NINL: variants seen among roughly 807,000 people sequenced by gnomAD.
The protein encoded by NINL is ninein like, also known as ninein-like protein.
NINL carries 153 observed loss-of-function variants against 160.3 expected under a neutral mutation model. The observed-to-expected ratio is 0.95, with a 90% CI of 0.84 to 1.09. The LOEUF is 1.09. NINL is among the 50% of genes least tolerant of loss of function. NINL has a pLI of 0.00. For synonymous variants in NINL, 800 were observed against 734.8 expected (o/e 1.09, Z -1.43); for missense variants, 1,829 against 1,764.0 (o/e 1.04, Z -0.66).
At chr20:25,543,639 G>A (rs563595679) in intron 1 of NINL, among the ~76,000 whole-genome samples, 4 of 152,188 alleles carry the variant, frequency 2.6e-5, no homozygotes, top group African/African-American at 4.8e-5. Context: ...TTGGCTGTCC[G>A]CAACCAATCA....
chr20:25,458,667 T>A (rs1217671938), intron 21 of NINL, 138 bp from the exon 22 acceptor site: 4 of 895,834 alleles, frequency 4.5e-6, no homozygotes, highest in Non-Finnish European at 6.6e-6. Context: ...CACCTGAATA[T>A]TTAGAAGGAG....
chr20:25,513,937 T>C (rs2064119244), intron 3 of NINL, among the ~76,000 whole-genome samples: 1 of 152,178 alleles, frequency 6.6e-6, no homozygotes, highest in Non-Finnish European at 1.5e-5. Flanking sequence ...TAGTTCCTTA[T>C]AGCAATGTGA....
Position 25,491,445 on chromosome 20 carries a change from T to G in NINL, c.1391A>C (p.Gln464Pro), listed in dbSNP as rs1486619373. The G allele has an allele frequency of 4.3e-6, 7 of 1,613,842 alleles. No individual in the cohort carries two copies. The African/African-American group carries it at 8.0e-5, about 18-fold the overall frequency. ...VEAERELFWE[Q>P]AHRQRAALEW... Reference sequence around the variant, plus strand: ...CAGCGCGGCCCTCTGCCTGTGGGCCTGCTCCCAGAACAGCTCTCGCTCCGC... The same window carrying G: ...CAGCGCGGCCCTCTGCCTGTGGGCCGGCTCCCAGAACAGCTCTCGCTCCGC... The change falls in exon 11 of 24, where the codon CAG becomes CCG. Residue 464 changes from glutamine (Q) to proline (P), a missense_variant. Physicochemically the swap from Gln to Pro is moderately conservative, Grantham distance 76. Transcript: ENST00000278886.
chr20:25,472,386 G>C (rs1439481233), intron 17 of NINL, among the ~76,000 whole-genome samples: 1 of 127,996 alleles, frequency 7.8e-6, no homozygotes, highest in African/African-American at 2.8e-5. Flanking sequence ...TTGTTTTTGA[G>C]ACGGAGTTTT....
chr20:25,583,069 T>TG (rs943650038), intron 1 of NINL, among the ~76,000 whole-genome samples: 6 of 152,198 alleles, frequency 3.9e-5, no homozygotes, highest in African/African-American at 1.4e-4. Context: ...GACATAGGCA[T>TG]GGGCAAAGTC....
intron 13 of NINL, 67 bp from the exon 14 acceptor site, chr20:25,482,167 C>A: frequency 6.5e-7 from 1 of 1,547,340 alleles, no homozygotes; most frequent in Non-Finnish European, 8.7e-7. Context: ...GCTGGCCGAG[C>A]TGGCCTCCAG....
intron 16 of NINL, among the ~76,000 whole-genome samples, chr20:25,477,561 GGA>G (rs1181411732): frequency 1.3e-5 from 2 of 152,250 alleles, no homozygotes; most frequent in Non-Finnish European, 2.9e-5. Flanking sequence ...GTGGCCCGCA[GGA>G]GAGTCCAGTG....
chr20:25,485,681 T>C (rs1299799743), intron 13 of NINL, among the ~76,000 whole-genome samples: 1 of 152,256 alleles, frequency 6.6e-6, no homozygotes, highest in Non-Finnish European at 1.5e-5. Context: ...CATTTGTGTC[T>C]TTTGATCAGT....
chr20:25,486,165 T>G (rs1328029400), intron 13 of NINL, among the ~76,000 whole-genome samples: 23 of 152,242 alleles, frequency 1.5e-4, no homozygotes, highest in Admixed American at 1.5e-3. Context: ...TGCACTAGTT[T>G]TGTTTGTAAC....
intron 10 of NINL, among the ~76,000 whole-genome samples, chr20:25,494,148 ACT>A (rs1407764246): frequency 7.2e-6 from 1 of 138,338 alleles, no homozygotes; most frequent in Non-Finnish European, 1.6e-5. Context: ...CCCCACACAC[ACT>A]CACAGCACCC....
At chr20:25,505,387 A>T (rs1411705437) in intron 5 of NINL, among the ~76,000 whole-genome samples, 2 of 152,028 alleles carry the variant, frequency 1.3e-5, no homozygotes, top group African/African-American at 2.4e-5. Flanking sequence ...GAGTCACCTA[A>T]TGTACAGCAC....
At chr20:25,562,967 C>A (rs1031726104) in intron 1 of NINL, among the ~76,000 whole-genome samples, 1 of 152,056 alleles carries the variant, frequency 6.6e-6, no homozygotes, top group Non-Finnish European at 1.5e-5. Flanking sequence ...GGAGATGAGA[C>A]CATCCTGGCT....
In NINL at chr20:25,453,344, C is replaced by T; in HGVS notation, c.*107G>A. On this transcript the variant is annotated 3_prime_UTR_variant, in exon 24 of 24. Transcript: ENST00000278886. ...GCGGGGTGAACAAAGAATCCCAATC[C>T]TCAGATGTCCCAGGACTCATGGCTC... 1.0e-6 allele frequency: 1 copy of T among 981,246 alleles called. No homozygotes were observed. Among genetic ancestry groups the T allele is most frequent in the Non-Finnish European group, 1.5e-6 (1 of 665,216 alleles). The allele number at this position is 981,246 out of a possible 1,614,324, so 60.8% of individuals were successfully genotyped here. A position where few individuals can be genotyped will look rare whatever the true frequency, so the allele number is the denominator to read the frequency against.
chr20:25,478,864 A>G, intron 16 of NINL, 59 bp downstream of exon 16: 2 of 1,481,018 alleles, frequency 1.4e-6, no homozygotes, highest in Non-Finnish European at 1.8e-6. Context: ...GTCTAATTTC[A>G]AATTTTGGTT....
intron 13 of NINL, among the ~76,000 whole-genome samples, chr20:25,487,495 C>G (rs424487): frequency 0.49 from 73,915 of 151,986 alleles, 18,776 homozygotes; most frequent in East Asian, 0.92. Flanking sequence ...CTGATGCTGA[C>G]AGCTTGGCTG....
chr20:25,545,983 TTTTTA>T (rs2064727077), intron 1 of NINL, among the ~76,000 whole-genome samples: 1 of 39,176 alleles, frequency 2.6e-5, no homozygotes, highest in African/African-American at 3.8e-5. Context: ...TGTTGTTTTG[TTTTTA>T]TTTTTTTTTT....
chr20:25,461,128 G>A (rs1448684443), intron 21 of NINL, among the ~76,000 whole-genome samples: 2 of 152,210 alleles, frequency 1.3e-5, no homozygotes, highest in African/African-American at 4.8e-5. Flanking sequence ...GTGGCACCCG[G>A]AGGCGTGTAC....
At chr20:25,517,627 C>T in intron 3 of NINL, 126 bp downstream of exon 3, 1 of 698,082 alleles carries the variant, frequency 1.4e-6, no homozygotes, top group South Asian at 1.9e-5. Context: ...GTCCATATAC[C>T]TTGGGGGTGA....
intron 1 of NINL, among the ~76,000 whole-genome samples, chr20:25,532,983 T>C (rs1430722496): frequency 1.3e-5 from 2 of 151,872 alleles, no homozygotes; most frequent in Non-Finnish European, 2.9e-5. Context: ...ACTCCAAGGC[T>C]CCACAGAAGA....
Sources: allele counts gnomAD v4.1 joint callset (sites outside exome capture counted in the v4.1 genomes callset), GRCh38; gene constraint gnomAD v4.1.1; transcripts MANE v1.5; gene names NCBI Gene and HGNC (gene_info 2026-07-23, HGNC 2026-07-21).